Variants in CD46 observed in about 807,000 individuals in gnomAD.
CD46 encodes the protein membrane cofactor protein.
In CD46, 30 loss-of-function variants were observed where a neutral mutation model predicts 53.3. The observed-to-expected ratio is 0.56, with a 90% CI of 0.42 to 0.76. CD46 has a LOEUF of 0.76. Ranked by LOEUF, CD46 falls within the 30% of genes least tolerant of loss-of-function variation. CD46 has a pLI of 0.00. For synonymous variants in CD46, 142 were observed against 152.0 expected (o/e 0.93, Z 0.48); for missense variants, 409 against 463.0 (o/e 0.88, Z 1.07).
intron 8 of CD46, among the ~76,000 whole-genome samples, chr1:207,777,437 G>A (rs1658237120): frequency 6.6e-6 from 1 of 152,046 alleles, no homozygotes; most frequent in South Asian, 2.1e-4. Flanking sequence ...CATCACCCAG[G>A]TATTAAGCCT....
At chr1:207,757,233 C>A in intron 2 of CD46, 31 bp downstream of exon 2, 1 of 1,556,076 alleles carries the variant, frequency 6.4e-7, no homozygotes, top group Non-Finnish European at 8.8e-7. Context: ...TTTTTTTCTG[C>A]TTGCTCTAGA....
At chr1:207,756,717 T>G (rs886633858) in intron 1 of CD46, among the ~76,000 whole-genome samples, 2 of 152,212 alleles carry the variant, frequency 1.3e-5, no homozygotes, top group Non-Finnish European at 1.5e-5. Context: ...TAGAAAAATG[T>G]GGGGAAAGAT....
chr1:207,770,583 T>A (rs1307883813), intron 8 of CD46, among the ~76,000 whole-genome samples: 2 of 152,120 alleles, frequency 1.3e-5, no homozygotes, highest in Admixed American at 1.3e-4. Flanking sequence ...CCCCAGTGTG[T>A]GATGTTCCCC....
At position 207,790,493 on chromosome 1, in the gene CD46, TG is replaced by T. The variant is rs1659699140; in HGVS notation, c.*41+149del. On this transcript the variant is annotated intron_variant, in intron 12 of 12. Transcript: ENST00000367042. ...ATTCCTGTTCCCTTTGCTAAATTAT[TG>T]ATGTGTTCTTATACCATTCCCTTTG... 5.0e-6 allele frequency: 3 copies of T among 601,812 alleles called. No homozygotes were observed. In the African/African-American group the frequency reaches 5.6e-5, roughly 11 times the overall value. The allele number at this position is 601,812 out of a possible 1,614,324, so 37.3% of individuals were successfully genotyped here. A position where few individuals can be genotyped will look rare whatever the true frequency, so the allele number is the denominator to read the frequency against.
intron 8 of CD46, among the ~76,000 whole-genome samples, chr1:207,774,440 T>C (rs1294283677): frequency 6.6e-6 from 1 of 152,220 alleles, no homozygotes; most frequent in Non-Finnish European, 1.5e-5. Flanking sequence ...GTTAGCTGGT[T>C]ATTTTGCCCG....
chr1:207,759,449 CA>C (rs1399016217), intron 3 of CD46, among the ~76,000 whole-genome samples, 189 bp from the exon 4 acceptor site: 1 of 152,170 alleles, frequency 6.6e-6, no homozygotes, highest in Admixed American at 6.5e-5. Context: ...AATATATATT[CA>C]AATGGGGAAA....
At chr1:207,756,157 G>A (rs1655511853) in intron 1 of CD46, among the ~76,000 whole-genome samples, 1 of 152,144 alleles carries the variant, frequency 6.6e-6, no homozygotes, top group Non-Finnish European at 1.5e-5. Flanking sequence ...CAGGGAGGAA[G>A]GGTATTCAGA....
chr1:207,767,661 C>G (rs201762829), intron 6 of CD46, 118 bp from the exon 7 acceptor site: 2 of 1,610,858 alleles, frequency 1.2e-6, no homozygotes, highest in Non-Finnish European at 1.7e-6. Context: ...GGTTTAGTAG[C>G]TTCTTCCTTA....
At position 207,752,913 on chromosome 1, in the gene CD46, A is replaced by G; in HGVS notation, c.97+604A>G. Among the ~76,000 whole-genome samples the G allele has an allele frequency of 6.7e-6, 1 of 148,750 alleles. No homozygotes were observed. Among genetic ancestry groups the G allele is most frequent in the East Asian group, 2.0e-4 (1 of 5,010 alleles). On this transcript the variant is annotated intron_variant, in intron 1 of 12. Transcript: ENST00000367042. The surrounding 1 kb of genome is among the most constrained non-coding windows in gnomAD (Gnocchi z 4.1). The stretch of plus-strand genomic sequence containing the variant: ...CAGCTCAACTGTTTGCTTTGAATGG[A>G]GTGAGCGCGGACTCTGGGGCTAGGG...
chr1:207,777,520 G>A (rs1454808525), intron 8 of CD46, among the ~76,000 whole-genome samples: 1 of 152,088 alleles, frequency 6.6e-6, no homozygotes, highest in Non-Finnish European at 1.5e-5. Flanking sequence ...CCCAGTGTCT[G>A]TTGTTTCCTT....
chr1:207,783,677 G>A (rs1214021921), intron 9 of CD46: 5 of 169,700 alleles, frequency 2.9e-5, no homozygotes, highest in African/African-American at 1.2e-4. Context: ...AAAAGATGAA[G>A]TGCAGTTGTG....
Position 207,774,931 on chromosome 1 carries a change from G to A in CD46, c.943+4569G>A, listed in dbSNP as rs145314952. ...ATTTCCTGAATTTGAATGTTGGCCT[G>A]TCTTGCTAGTTTAGGGAAGTCCTCG... On this transcript the variant is annotated intron_variant, in intron 8 of 12. Transcript: ENST00000367042. Among the ~76,000 whole-genome samples, 1,399 of 152,308 alleles carry A rather than the reference G, an allele frequency of 9.2e-3. 24 individuals carry two copies. Among genetic ancestry groups the A allele is most frequent in the African/African-American group, 0.033 (1,356 of 41,568 alleles).
At chr1:207,788,360 C>CA (rs1205954774) in intron 11 of CD46, among the ~76,000 whole-genome samples, 4,132 of 80,076 alleles carry the variant, frequency 0.052, 86 homozygotes, top group Non-Finnish European at 0.063. Context: ...ACTAAAAATA[C>CA]AAAAAAAAAA....
At position 207,752,522 on chromosome 1, in the gene CD46, C is replaced by T. The variant is rs1015708820; in HGVS notation, c.97+213C>T. ...AGCTTGTTTGGTGGCGTCGTGTGCG[C>T]GGCCAGCATTTACGCAGGATCTGGC... On this transcript the variant is annotated intron_variant, in intron 1 of 12. Coordinates refer to ENST00000367042, the MANE Select transcript of CD46 (RefSeq NM_172351.3). The surrounding 1 kb of genome is among the most constrained non-coding windows in gnomAD (Gnocchi z 4.1). Among the ~76,000 whole-genome samples, 3 of 152,052 alleles carry T rather than the reference C, an allele frequency of 2.0e-5. No individual in the cohort carries two copies. Among genetic ancestry groups the T allele is most frequent in the African/African-American group, 7.2e-5 (3 of 41,390 alleles).
chr1:207,759,686 C>A lies in CD46; in HGVS notation c.437C>A (p.Ser146Ter). The change falls in exon 4 of 13, where the codon TCA becomes TAA. Residue 146 changes from serine (S) to a stop codon, truncating the protein, a stop_gained. Transcript: ENST00000367042. LOFTEE classifies it high-confidence loss of function. ...ATTCTATATTGTGAACTTAAAGGAT[C>A]AGTAGCAATTTGGAGCGGTAAGCCC... is the stretch of plus-strand genomic sequence containing the variant. ...EEILYCELKG[S>*]VAIWSGKPPI... 6.2e-7 allele frequency: 1 copy of A among 1,606,378 alleles called. No homozygotes were observed. Among genetic ancestry groups the A allele is most frequent in the Non-Finnish European group, 8.5e-7 (1 of 1,173,278 alleles).
chr1:207,786,998 A>G (rs1659326809), intron 11 of CD46, among the ~76,000 whole-genome samples: 1 of 152,224 alleles, frequency 6.6e-6, no homozygotes, highest in Non-Finnish European at 1.5e-5. Flanking sequence ...ATATCACTGC[A>G]TCAGAATTTT....
At chr1:207,774,660 A>G (rs918999870) in intron 8 of CD46, among the ~76,000 whole-genome samples, 3 of 152,148 alleles carry the variant, frequency 2.0e-5, no homozygotes, top group African/African-American at 4.8e-5. Context: ...TTGGCTGGAT[A>G]TGAGATTCTG....
At position 207,767,086 on chromosome 1, in the gene CD46, A is replaced by G. The variant is rs1477852076; in HGVS notation, c.747A>G (p.Lys249=). ...ISGFGKKFYY[K]ATVMFECDKG... ...GATTTGGAAAAAAATTTTACTACAA[A>G]GCAACAGTTATGTTTGAATGCGATA... Residue 249 remains lysine (K), a synonymous_variant, in exon 6 of 13, where the codon AAA becomes AAG. Transcript: ENST00000367042. 1 of 1,613,868 alleles carries G rather than the reference A, an allele frequency of 6.2e-7. No individual in the cohort carries two copies. The highest frequency in any genetic ancestry group is 8.5e-7 in the Non-Finnish European group (1 of 1,179,738).
chr1:207,788,980 C>T (rs770655479), intron 11 of CD46, among the ~76,000 whole-genome samples: 1 of 152,232 alleles, frequency 6.6e-6, no homozygotes, highest in African/African-American at 2.4e-5. Context: ...CATGCTCCCT[C>T]CTTTTCCCTT....
Sources: gnomAD v4.1 joint callset for allele counts (sites outside exome capture counted in the v4.1 genomes callset) on GRCh38, gnomAD v4.1.1 for gene constraint, Gnocchi (gnomAD v3.1) non-coding constraint, MANE v1.5 for transcripts, NCBI Gene and HGNC (gene_info 2026-07-23, HGNC 2026-07-21) for gene names.